Variants in PCDHA12 observed in about 807,000 individuals in gnomAD.
The protein encoded by PCDHA12 is protocadherin alpha 12.
A neutral mutation model predicts 60.0 loss-of-function variants in PCDHA12; 44 were observed. The ratio of observed to expected loss-of-function variants is 0.73; its 90% CI spans 0.58 to 0.94. The LOEUF (loss-of-function observed/expected upper bound fraction) is 0.94. Ranked by LOEUF, PCDHA12 falls within the 40% of genes least tolerant of loss-of-function variation. PCDHA12 has a pLI of 0.00. For synonymous variants in PCDHA12, 569 were observed against 553.0 expected, an observed-to-expected ratio of 1.03 and a Z score of -0.40; for missense variants, 1,276 against 1,239.7, an observed-to-expected ratio of 1.03 and a Z score of -0.44.
intron 3 of PCDHA12, among the ~76,000 whole-genome samples, chr5:140,992,036 TG>T (rs2097488420): frequency 6.6e-6 from 1 of 151,818 alleles, no homozygotes; most frequent in African/African-American, 2.4e-5. Flanking sequence ...TGTGTGTGTG[TG>T]TGTGTGTGTG....
At chr5:140,922,336 A>G (rs1554200779) in intron 1 of PCDHA12, among the ~76,000 whole-genome samples, 2 of 152,226 alleles carry the variant, frequency 1.3e-5, no homozygotes, top group African/African-American at 4.8e-5. Context: ...GGGTTGGTAT[A>G]TTGGTATTTT....
intron 1 of PCDHA12, among the ~76,000 whole-genome samples, chr5:140,959,188 G>A (rs782018838): frequency 6.6e-6 from 1 of 151,982 alleles, no homozygotes; most frequent in Non-Finnish European, 1.5e-5. Context: ...ACCAGTCTGG[G>A]CAACATGGTG....
intron 3 of PCDHA12, among the ~76,000 whole-genome samples, chr5:141,003,468 C>T (rs2098126270): frequency 6.6e-6 from 1 of 152,066 alleles, no homozygotes; most frequent in Non-Finnish European, 1.5e-5. Context: ...TGCACCACCA[C>T]AGTCTCGCTA....
intron 1 of PCDHA12, chr5:140,926,720 T>C (rs2083499438): frequency 2.0e-6 from 2 of 1,002,404 alleles, no homozygotes; most frequent in Non-Finnish European, 2.7e-6. Flanking sequence ...GCCCCGGCAA[T>C]GCCGGCGTTC....
At position 140,928,807 on chromosome 5, in the gene PCDHA12, C is replaced by T. The variant is rs782261335; in HGVS notation, c.2368-50142C>T. 6.2e-6 allele frequency: 10 copies of T among 1,614,094 alleles called. No homozygotes were observed. Among genetic ancestry groups the T allele is most frequent in the Non-Finnish European group, 8.5e-6 (10 of 1,180,020 alleles). On this transcript the variant is annotated intron_variant, in intron 1 of 3. Coordinates refer to ENST00000398631, the MANE Select transcript of PCDHA12 (RefSeq NM_018903.4). ...TAAGCAGAGGGTGGTGGTAGTGGTT[C>T]GGGACCATGGAGACCCACCACTTTC...
intron 1 of PCDHA12, among the ~76,000 whole-genome samples, chr5:140,974,980 G>C (rs149148015): frequency 6.6e-6 from 1 of 152,090 alleles, no homozygotes; most frequent in African/African-American, 2.4e-5. Flanking sequence ...TGAGTTGTCC[G>C]CTCAGGTATT....
intron 1 of PCDHA12, among the ~76,000 whole-genome samples, chr5:140,977,965 C>T (rs782117847): frequency 3.3e-5 from 5 of 152,150 alleles, no homozygotes; most frequent in Non-Finnish European, 5.9e-5. Context: ...CCTCAATCTC[C>T]GCCCATGAAA....
intron 3 of PCDHA12, among the ~76,000 whole-genome samples, chr5:140,987,196 AGAGT>A (rs2097234784): frequency 6.6e-6 from 1 of 151,568 alleles, no homozygotes; most frequent in Non-Finnish European, 1.5e-5. Flanking sequence ...CCTGGGTGAC[AGAGT>A]GAGACTCCAT....
At chr5:140,941,215 C>CTTTCTTTCTTTCTT (rs2092887387) in intron 1 of PCDHA12, among the ~76,000 whole-genome samples, 1 of 104,510 alleles carries the variant, frequency 9.6e-6, no homozygotes, top group African/African-American at 3.7e-5. Context: ...TTCTTTCTTC[C>CTTTCTTTCTTTCTT]TTTCTTTCTT....
In PCDHA12 at chr5:140,945,865, A is replaced by T. The variant is rs184952981; in HGVS notation, c.2368-33084A>T. ...ATTAAAGACTTAAACATAGACCTGAAATTGTAAAACTAACAAAGAAAACAC... is the reference window on the plus strand; with the variant it reads ...ATTAAAGACTTAAACATAGACCTGATATTGTAAAACTAACAAAGAAAACAC... On this transcript the variant is annotated intron_variant, in intron 1 of 3. Coordinates refer to ENST00000398631, the MANE Select transcript of PCDHA12 (RefSeq NM_018903.4). Among the ~76,000 whole-genome samples, 23 of 152,290 alleles carry T rather than the reference A, an allele frequency of 1.5e-4. No individual in the cohort carries two copies. The East Asian group carries it at 4.2e-3, about 28-fold the overall frequency.
Position 140,941,218 on chromosome 5 carries a change from T to C in PCDHA12, c.2368-37731T>C, listed in dbSNP as rs552463058. ...TTCTTTCTTCCTTTCTTTCTTCCTT[T>C]CTTTCTTTCTTTCTTTCTTTCTTTC... On this transcript the variant is annotated intron_variant, in intron 1 of 3. Transcript: ENST00000398631. 5.6e-5 allele frequency among the ~76,000 whole-genome samples: 7 copies of C among 125,730 alleles called. No homozygotes were observed. In the South Asian group the frequency reaches 7.6e-4, roughly 14 times the overall value. 82.5% of individuals were successfully genotyped at this position (125,730 alleles called of 152,430 possible). A position where few individuals can be genotyped will look rare whatever the true frequency, so the allele number is the denominator to read the frequency against.
At chr5:140,921,414 T>G (rs2080207969) in intron 1 of PCDHA12, among the ~76,000 whole-genome samples, 1 of 152,206 alleles carries the variant, frequency 6.6e-6, no homozygotes, top group Admixed American at 6.5e-5. Flanking sequence ...TCCTCTGTGC[T>G]GCAGACAAAA....
chr5:140,966,712 TG>T, intron 1 of PCDHA12: 1 of 1,392,090 alleles, frequency 7.2e-7, no homozygotes, highest in South Asian at 1.6e-5. Context: ...GGGGCACGGC[TG>T]GGGAAGCTGC....
intron 3 of PCDHA12, among the ~76,000 whole-genome samples, chr5:140,992,231 G>C (rs1234271245): frequency 1.3e-5 from 2 of 152,176 alleles, no homozygotes; most frequent in African/African-American, 4.8e-5. Context: ...CCTGGGAAGA[G>C]TAAGGAAGGA....
intron 3 of PCDHA12, among the ~76,000 whole-genome samples, chr5:140,987,258 G>A (rs1292743876): frequency 6.6e-6 from 1 of 151,918 alleles, no homozygotes; most frequent in Non-Finnish European, 1.5e-5. Context: ...ACATTCTCAG[G>A]AATGGGACCC....
intron 3 of PCDHA12, chr5:140,988,770 G>A (rs1388594585): frequency 6.6e-6 from 1 of 152,168 alleles, no homozygotes; most frequent in African/African-American, 2.4e-5. Flanking sequence ...TACAGTCATG[G>A]TTAAGACCAT....
chr5:140,968,176 G>A, intron 1 of PCDHA12: 1 of 1,614,062 alleles, frequency 6.2e-7, no homozygotes, highest in Non-Finnish European at 8.5e-7. Flanking sequence ...CAAGCTTCCT[G>A]GAGGACTCCT....
intron 1 of PCDHA12, among the ~76,000 whole-genome samples, chr5:140,905,903 G>A (rs2072195312): frequency 6.6e-6 from 1 of 152,184 alleles, no homozygotes; most frequent in African/African-American, 2.4e-5. Flanking sequence ...AAGCTGAGGA[G>A]CAAGGAATCC....
intron 3 of PCDHA12, among the ~76,000 whole-genome samples, chr5:141,000,552 C>T (rs2097946627): frequency 1.3e-5 from 2 of 149,102 alleles, no homozygotes; most frequent in Admixed American, 1.3e-4. Context: ...CTCAAACTCC[C>T]GAGTAGCTGG....
Sources: allele counts gnomAD v4.1 joint callset (sites outside exome capture counted in the v4.1 genomes callset), GRCh38; gene constraint gnomAD v4.1.1; transcripts MANE v1.5; gene names NCBI Gene and HGNC (gene_info 2026-07-23, HGNC 2026-07-21).